The following PCDHA5 variants were observed in gnomAD, a reference collection of about 807,000 sequenced individuals.
PCDHA5 encodes the protein protocadherin alpha-5.
Under a neutral mutation model 61.6 loss-of-function variants are expected in PCDHA5, and 43 were observed. The ratio of observed to expected loss-of-function variants is 0.70; its 90% CI spans 0.55 to 0.90. The LOEUF (loss-of-function observed/expected upper bound fraction) is 0.90, where lower values mean the gene tolerates loss of function less well. Among genes scored for constraint, PCDHA5 ranks in the 40% least tolerant of loss-of-function variants. PCDHA5 has a pLI of 0.00. For synonymous variants in PCDHA5, 627 were observed against 543.9 expected (o/e 1.15, Z -2.13); for missense variants, 1,298 against 1,222.7 (o/e 1.06, Z -0.92).
In PCDHA5 at chr5:140,838,575, T is replaced by G. The variant is rs1333635354; in HGVS notation, c.2352+14448T>G. Among the ~76,000 whole-genome samples the G allele has an allele frequency of 2.6e-5, 4 of 152,148 alleles. No homozygotes were observed. In the East Asian group the frequency reaches 7.7e-4, roughly 29 times the overall value. The stretch of plus-strand genomic sequence containing the variant: ...TTCATCCAGTACTGTATTAGGGACA[T>G]TAATGAAACAATAACCGAATTGTCT... On this transcript the variant is annotated intron_variant, in intron 1 of 3. Coordinates refer to ENST00000529859, the MANE Select transcript of PCDHA5 (RefSeq NM_018908.3).
chr5:140,971,392 T>C (rs1399891976), intron 1 of PCDHA5, among the ~76,000 whole-genome samples: 1 of 152,154 alleles, frequency 6.6e-6, no homozygotes, highest in East Asian at 1.9e-4. Flanking sequence ...TAAAGGCAAA[T>C]TTCTGCCAGG....
At position 140,918,968 on chromosome 5, in the gene PCDHA5, G is replaced by A. The variant is rs1028863089; in HGVS notation, c.2353-59981G>A. Among the ~76,000 whole-genome samples, 5 of 152,196 alleles carry A rather than the reference G, an allele frequency of 3.3e-5. 1 individual carries two copies. The highest frequency in any genetic ancestry group is 5.9e-5 in the Non-Finnish European group (4 of 68,034). On this transcript the variant is annotated intron_variant, in intron 1 of 3. Transcript: ENST00000529859. ...TCCTGAACAGACTAAGACAGATATC[G>A]TTTAGGTTAGTTGGTTTTTAGTGTT...
chr5:140,928,068 CA>C, intron 1 of PCDHA5: 1 of 1,614,214 alleles, frequency 6.2e-7, no homozygotes, highest in South Asian at 1.1e-5. Context: ...CTTCCTTTGA[CA>C]ACTACTACAG....
chr5:140,924,768 G>C lies in PCDHA5; in HGVS notation c.2353-54181G>C, dbSNP rs562954470. ...AAATTAACCGAGCATGGTGGTGCGCGCTTGTAGTCCTAGCTACTTAGGAGG... is the reference window on the plus strand; with the variant it reads ...AAATTAACCGAGCATGGTGGTGCGCCCTTGTAGTCCTAGCTACTTAGGAGG... On this transcript the variant is annotated intron_variant, in intron 1 of 3. Coordinates refer to ENST00000529859, the MANE Select transcript of PCDHA5 (RefSeq NM_018908.3). Among the ~76,000 whole-genome samples the C allele has an allele frequency of 3.9e-3, 597 of 151,896 alleles. 3 individuals are homozygous for C. The highest frequency in any genetic ancestry group is 0.014 in the African/African-American group (579 of 41,424).
intron 1 of PCDHA5, chr5:140,876,072 GGA>G: frequency 1.2e-6 from 2 of 1,613,902 alleles, no homozygotes; most frequent in Non-Finnish European, 8.5e-7. Flanking sequence ...GGAAGTTATT[GGA>G]CAGAGAGCAA....
At chr5:140,833,974 G>C (rs2150212572) in intron 1 of PCDHA5, among the ~76,000 whole-genome samples, 27 of 152,106 alleles carry the variant, frequency 1.8e-4, no homozygotes, top group Non-Finnish European at 3.5e-4. Context: ...TGAAAAAAAA[G>C]TTTTTCTAAG....
At chr5:140,967,109 C>T in intron 1 of PCDHA5, 1 of 1,612,966 alleles carries the variant, frequency 6.2e-7, no homozygotes, top group Non-Finnish European at 8.5e-7. Flanking sequence ...TGAGCAGCGG[C>T]CTCGCTGCCT....
chr5:140,829,000 G>A, intron 1 of PCDHA5: 1 of 1,613,886 alleles, frequency 6.2e-7, no homozygotes, highest in Non-Finnish European at 8.5e-7. Context: ...GAGAAATAGT[G>A]ATTCGGGGTA....
chr5:140,841,443 A>C (rs2150315650), intron 1 of PCDHA5: 1 of 1,612,892 alleles, frequency 6.2e-7, no homozygotes, highest in Admixed American at 1.7e-5. Context: ...GAGGCCAAAC[A>C]CGGCACCTTC....
At chr5:140,848,056 C>T (rs2150406105) in intron 1 of PCDHA5, 2 of 161,888 alleles carry the variant, frequency 1.2e-5, no homozygotes, top group South Asian at 3.2e-4. Context: ...TTAATTGTTA[C>T]TTCATTTCTG....
At chr5:140,927,672 A>G in intron 1 of PCDHA5, 1 of 1,614,202 alleles carries the variant, frequency 6.2e-7, no homozygotes, top group Non-Finnish European at 8.5e-7. Flanking sequence ...CCTTGGATCC[A>G]GATGAAGGGT....
At chr5:140,830,695 C>T (rs1771206789) in intron 1 of PCDHA5, 1 of 285,150 alleles carries the variant, frequency 3.5e-6, no homozygotes, top group African/African-American at 2.2e-5. Context: ...ACAATCTGCA[C>T]CTCAGAATTT....
intron 1 of PCDHA5, among the ~76,000 whole-genome samples, chr5:140,926,112 A>G (rs556372882): frequency 3.3e-4 from 51 of 152,258 alleles, no homozygotes; most frequent in African/African-American, 1.2e-3. Context: ...AAGAGGGTGC[A>G]GGACAGACTT....
chr5:140,988,827 G>A (rs1554250450), intron 3 of PCDHA5: 1 of 152,132 alleles, frequency 6.6e-6, no homozygotes, highest in African/African-American at 2.4e-5. Flanking sequence ...CCCAAACAGA[G>A]ATCACGTGTC....
intron 2 of PCDHA5, 164 bp downstream of exon 2, chr5:140,979,171 C>T (rs1586797637): frequency 4.2e-6 from 4 of 960,866 alleles, no homozygotes; most frequent in South Asian, 4.8e-5. Context: ...CTTGAAAGAT[C>T]GCAAATGGTC....
At chr5:140,877,970 T>A in intron 1 of PCDHA5, 1 of 1,279,190 alleles carries the variant, frequency 7.8e-7, no homozygotes. Flanking sequence ...TTCTTGGTCA[T>A]TCTTACTCAT....
At chr5:141,009,462 A>G (rs1279658091) in intron 3 of PCDHA5, 165 bp from the exon 4 acceptor site, 2 of 954,512 alleles carry the variant, frequency 2.1e-6, no homozygotes, top group Non-Finnish European at 2.5e-6. Flanking sequence ...TAAACAAATA[A>G]ATAAATAAGT....
chr5:140,959,493 A>C (rs533403086), intron 1 of PCDHA5, among the ~76,000 whole-genome samples: 3 of 152,280 alleles, frequency 2.0e-5, no homozygotes, highest in South Asian at 2.1e-4. Context: ...TTATATATGG[A>C]TCAAACTAAA....
rs2150358233 is a variant in PCDHA5 at position 140,843,360 on chromosome 5, C to G, written c.2352+19233C>G. On this transcript the variant is annotated intron_variant, in intron 1 of 3. Coordinates refer to ENST00000529859, the MANE Select transcript of PCDHA5 (RefSeq NM_018908.3). Reference sequence around the variant, plus strand: ...AGCGGCCAGGCTCCAAAAGCGTCATCGAGGCAGTCGGCTGGCGTTTTGGGT... The same window carrying G: ...AGCGGCCAGGCTCCAAAAGCGTCATGGAGGCAGTCGGCTGGCGTTTTGGGT... 32 of 1,596,088 alleles carry G rather than the reference C, an allele frequency of 2.0e-5. 6 individuals carry two copies. Among genetic ancestry groups the G allele is most frequent in the Non-Finnish European group, 2.6e-5 (30 of 1,165,594 alleles).
Sources: allele counts gnomAD v4.1 joint callset (sites outside exome capture counted in the v4.1 genomes callset), GRCh38; gene constraint gnomAD v4.1.1; transcripts MANE v1.5; gene names NCBI Gene and HGNC (gene_info 2026-07-23, HGNC 2026-07-21).